Variants in PATJ observed in about 807,000 individuals in gnomAD.
PATJ encodes PATJ crumbs cell polarity complex component.
In PATJ, 190 loss-of-function variants were observed where a neutral mutation model predicts 224.9. The ratio of observed to expected loss-of-function variants is 0.84; its 90% CI spans 0.75 to 0.95. PATJ has a LOEUF of 0.95. Ranked by LOEUF, PATJ falls within the 40% of genes least tolerant of loss-of-function variation. PATJ has a pLI of 0.00. For synonymous variants in PATJ, 769 were observed against 820.3 expected, an observed-to-expected ratio of 0.94 and a Z score of 1.07; for missense variants, 2,121 against 2,270.3, an observed-to-expected ratio of 0.93 and a Z score of 1.34.
At chr1:62,053,617 G>A (rs1191271416) in intron 31 of PATJ, among the ~76,000 whole-genome samples, 2 of 152,148 alleles carry the variant, frequency 1.3e-5, no homozygotes, top group African/African-American at 4.8e-5. Flanking sequence ...TACTTGGGAG[G>A]CTGAGGCAGG....
intron 20 of PATJ, among the ~76,000 whole-genome samples, chr1:61,872,436 C>T (rs1189333879): frequency 6.6e-6 from 1 of 152,114 alleles, no homozygotes; most frequent in Non-Finnish European, 1.5e-5. Context: ...CAAAGATTAC[C>T]TGGTGGTCAT....
intron 1 of PATJ, among the ~76,000 whole-genome samples, chr1:61,745,883 C>T (rs575637978): frequency 5.1e-4 from 77 of 151,440 alleles, no homozygotes; most frequent in Non-Finnish European, 8.0e-4. Flanking sequence ...GGATTACAGG[C>T]GTGAACCACC....
At chr1:61,821,012 G>A (rs1273694624) in intron 14 of PATJ, among the ~76,000 whole-genome samples, 14 of 151,870 alleles carry the variant, frequency 9.2e-5, no homozygotes, top group Admixed American at 9.2e-4. Context: ...AAGAAAGAAA[G>A]CACAAGAGAG....
intron 28 of PATJ, chr1:61,991,617 A>G: frequency 1.0e-6 from 1 of 985,348 alleles, no homozygotes; most frequent in African/African-American, 1.7e-5. Flanking sequence ...GCTTCTCCCC[A>G]CTTAAAACCT....
intron 32 of PATJ, among the ~76,000 whole-genome samples, chr1:62,080,362 C>T (rs181995771): frequency 6.6e-6 from 1 of 151,928 alleles, no homozygotes; most frequent in East Asian, 1.9e-4. Flanking sequence ...GACAGAGTCT[C>T]ATTCTGTCAC....
chr1:62,116,953 T>C (rs1268968061), intron 36 of PATJ, among the ~76,000 whole-genome samples, 179 bp from the exon 37 acceptor site: 2 of 152,218 alleles, frequency 1.3e-5, no homozygotes, highest in African/African-American at 4.8e-5. Context: ...GTTCTTTAAA[T>C]GCATTTGATG....
chr1:62,106,158 GTATATATA>G lies in PATJ; in HGVS notation c.4378-2257_4378-2250del, dbSNP rs61653676. 2.0e-3 allele frequency among the ~76,000 whole-genome samples: 97 copies of G among 48,068 alleles called. 12 individuals carry two copies. The highest frequency in any genetic ancestry group is 3.4e-3 in the Non-Finnish European group (78 of 22,816). 31.5% of individuals were successfully genotyped at this position (48,068 alleles called of 152,430 possible). On this transcript the variant is annotated intron_variant, in intron 33 of 43. Coordinates refer to ENST00000642238, the MANE Select transcript of PATJ (RefSeq NM_001350145.3). ...TACATGTGTATATGTGTGTGTGTGT[GTATATATA>G]TATATATATATATATATATATGGCT...
intron 9 of PATJ, among the ~76,000 whole-genome samples, chr1:61,792,126 T>TA (rs982366209): frequency 2.3e-4 from 35 of 151,814 alleles, no homozygotes; most frequent in South Asian, 1.5e-3. Context: ...TTCATTTCCT[T>TA]AAAAAAAAAT....
intron 14 of PATJ, chr1:61,816,309 A>C (rs1241041047): frequency 6.6e-6 from 1 of 152,082 alleles, no homozygotes; most frequent in Non-Finnish European, 1.5e-5. Flanking sequence ...GTCAGCAAGC[A>C]TTTTCCCCTT....
intron 28 of PATJ, among the ~76,000 whole-genome samples, chr1:61,992,436 C>T (rs894893627): frequency 6.6e-6 from 1 of 152,116 alleles, no homozygotes; most frequent in African/African-American, 2.4e-5. Context: ...ACTTCTTTAA[C>T]CAACCCAATT....
chr1:61,855,578 C>G (rs1205944022), intron 17 of PATJ, among the ~76,000 whole-genome samples: 1 of 152,034 alleles, frequency 6.6e-6, no homozygotes, highest in Non-Finnish European at 1.5e-5. Flanking sequence ...CCACACCTGG[C>G]TAATTTTTGT....
chr1:61,933,466 G>C (rs1381045548), intron 27 of PATJ, among the ~76,000 whole-genome samples: 1 of 150,494 alleles, frequency 6.6e-6, no homozygotes, highest in African/African-American at 2.5e-5. Flanking sequence ...GCTTGAACTT[G>C]AGAGGCAGAG....
chr1:61,828,036 C>T (rs544197530), intron 16 of PATJ, among the ~76,000 whole-genome samples: 3 of 152,130 alleles, frequency 2.0e-5, no homozygotes, highest in East Asian at 1.9e-4. Context: ...CACCTAAGGT[C>T]GGGAGTTGGA....
chr1:61,856,570 C>T (rs1392426185), intron 18 of PATJ, among the ~76,000 whole-genome samples: 1 of 152,136 alleles, frequency 6.6e-6, no homozygotes, highest in African/African-American at 2.4e-5. Flanking sequence ...GCTCTCAGCA[C>T]ATTTCTTATG....
chr1:62,064,034 T>G (rs574962242), intron 31 of PATJ, among the ~76,000 whole-genome samples: 2 of 152,314 alleles, frequency 1.3e-5, no homozygotes, highest in South Asian at 4.1e-4. Context: ...CTTCCAGTAC[T>G]ATGTTGAATA....
In PATJ at chr1:61,833,635, A is replaced by G. The variant is rs751470002; in HGVS notation, c.1981-19A>G. 8.1e-6 allele frequency: 13 copies of G among 1,599,288 alleles called. No homozygotes were observed. The highest frequency in any genetic ancestry group is 1.4e-5 in the African/African-American group (1 of 73,958). ...GAAAGCATAGTGTTTTGAAGCATTT[A>G]TCTTCTTTGGTATTTCAGGTTGACC... On this transcript the variant is annotated intron_variant, in intron 16 of 43. Coordinates refer to ENST00000642238, the MANE Select transcript of PATJ (RefSeq NM_001350145.3).
chr1:61,753,323 A>C (rs1398145589), intron 1 of PATJ, among the ~76,000 whole-genome samples: 2 of 152,078 alleles, frequency 1.3e-5, no homozygotes, highest in African/African-American at 2.4e-5. Flanking sequence ...CCCAATTCAC[A>C]TGTGCAGTTA....
chr1:61,841,829 C>T (rs1381618559), intron 17 of PATJ, among the ~76,000 whole-genome samples: 2 of 152,162 alleles, frequency 1.3e-5, no homozygotes, highest in Non-Finnish European at 2.9e-5. Flanking sequence ...CTCCTATCCA[C>T]ATTTATTTTT....
chr1:61,939,152 A>G (rs1022898690), intron 27 of PATJ, among the ~76,000 whole-genome samples: 4 of 148,756 alleles, frequency 2.7e-5, no homozygotes, highest in African/African-American at 7.4e-5. Flanking sequence ...AAAAAAATTC[A>G]TGTAATTCTA....
Sources: allele counts gnomAD v4.1 joint callset (sites outside exome capture counted in the v4.1 genomes callset), GRCh38; gene constraint gnomAD v4.1.1; transcripts MANE v1.5; gene names NCBI Gene and HGNC (gene_info 2026-07-23, HGNC 2026-07-21).